Variants in MKLN1 observed in about 807,000 individuals in gnomAD.
MKLN1 encodes the protein muskelin 1.
In MKLN1, 18 loss-of-function variants were observed where a neutral mutation model predicts 99.0. The ratio of observed to expected loss-of-function variants is 0.18; its 90% CI spans 0.13 to 0.27. The LOEUF (loss-of-function observed/expected upper bound fraction) is 0.27. Ranked by LOEUF, MKLN1 falls within the 10% of genes least tolerant of loss-of-function variation. MKLN1 has a pLI of 1.00. For missense variants in MKLN1, 621 were observed against 875.9 expected (o/e 0.71, Z 3.67); for synonymous variants, 288 against 293.2 (o/e 0.98, Z 0.18).
intron 1 of MKLN1, among the ~76,000 whole-genome samples, chr7:131,362,110 A>G (rs976804236): frequency 5.9e-5 from 9 of 151,990 alleles, no homozygotes; most frequent in African/African-American, 2.2e-4. Flanking sequence ...AAAATTTTTT[A>G]TTTTATTTTG....
At chr7:131,213,755 T>A (rs1219010251) in intron 3 of MKLN1, among the ~76,000 whole-genome samples, 1 of 152,236 alleles carries the variant, frequency 6.6e-6, no homozygotes, top group Non-Finnish European at 1.5e-5. Context: ...TTTTTGGCAT[T>A]TTCAGAATTT....
At chr7:131,331,023 A>G (rs932145457) in intron 1 of MKLN1, among the ~76,000 whole-genome samples, 3 of 152,206 alleles carry the variant, frequency 2.0e-5, no homozygotes, top group African/African-American at 7.2e-5. Flanking sequence ...ATACTCTTAT[A>G]CATAAAAATA....
At chr7:131,379,025 A>G (rs1056349736) in intron 2 of MKLN1, among the ~76,000 whole-genome samples, 4 of 152,066 alleles carry the variant, frequency 2.6e-5, no homozygotes, top group Admixed American at 1.3e-4. Flanking sequence ...TGAGGAAGAA[A>G]ACTCGTCTCT....
At chr7:131,380,344 A>G (rs1342890891) in intron 2 of MKLN1, among the ~76,000 whole-genome samples, 1 of 152,152 alleles carries the variant, frequency 6.6e-6, no homozygotes, top group Non-Finnish European at 1.5e-5. Flanking sequence ...CAAGTCTTAA[A>G]ATAAGTGCCC....
intron 2 of MKLN1, among the ~76,000 whole-genome samples, chr7:131,168,873 T>C (rs1563238797): frequency 6.6e-6 from 1 of 150,594 alleles, no homozygotes; most frequent in Non-Finnish European, 1.5e-5. Flanking sequence ...TGTTTTCTTT[T>C]TTTTTTTTTT....
At chr7:131,155,205 C>A (rs1795945854) in intron 2 of MKLN1, among the ~76,000 whole-genome samples, 1 of 152,112 alleles carries the variant, frequency 6.6e-6, no homozygotes, top group African/African-American at 2.4e-5. Context: ...CAAGAAAATC[C>A]TGCGAAGTGC....
At chr7:131,207,183 T>G (rs964190334) in intron 3 of MKLN1, among the ~76,000 whole-genome samples, 6 of 152,182 alleles carry the variant, frequency 3.9e-5, no homozygotes, top group African/African-American at 1.2e-4. Context: ...CAAGGGATTC[T>G]ATGTGTGTTA....
intron 3 of MKLN1, among the ~76,000 whole-genome samples, chr7:131,245,558 G>C (rs1211756904): frequency 6.6e-6 from 1 of 152,150 alleles, no homozygotes; most frequent in Non-Finnish European, 1.5e-5. Flanking sequence ...GGGATTACAG[G>C]CGTGAGCCAC....
chr7:131,299,747 G>A (rs923588970), intron 3 of MKLN1, among the ~76,000 whole-genome samples: 9 of 152,288 alleles, frequency 5.9e-5, no homozygotes, highest in African/African-American at 2.2e-4. Flanking sequence ...TTCATCAAAT[G>A]AATCTTTGGC....
intron 2 of MKLN1, among the ~76,000 whole-genome samples, chr7:131,157,961 T>C (rs1234959337): frequency 6.6e-6 from 1 of 152,140 alleles, no homozygotes; most frequent in Non-Finnish European, 1.5e-5. Flanking sequence ...TGACAGACCT[T>C]CTGTCCCTGC....
At chr7:131,367,481 G>T (rs1410999095) in intron 1 of MKLN1, among the ~76,000 whole-genome samples, 1 of 152,140 alleles carries the variant, frequency 6.6e-6, no homozygotes, top group African/African-American at 2.4e-5. Context: ...AAAGTCATGG[G>T]TATCTAGAAG....
intron 2 of MKLN1, among the ~76,000 whole-genome samples, chr7:131,385,655 T>G (rs1793990742): frequency 6.6e-6 from 1 of 152,198 alleles, no homozygotes. Flanking sequence ...CTGTTGGCCA[T>G]TTGTTTACTT....
At chr7:131,196,155 C>CAGTT (rs1236875093) in intron 2 of MKLN1, among the ~76,000 whole-genome samples, 1 of 152,090 alleles carries the variant, frequency 6.6e-6, no homozygotes, top group Non-Finnish European at 1.5e-5. Flanking sequence ...TCTCCACATT[C>CAGTT]AGTTGTTTTA....
At chr7:131,477,205 A>G (rs1796991106) in intron 16 of MKLN1, among the ~76,000 whole-genome samples, 1 of 152,056 alleles carries the variant, frequency 6.6e-6, no homozygotes, top group African/African-American at 2.4e-5. Context: ...ATATGGATAA[A>G]TTGGACTTCA....
chr7:131,446,340 T>G (rs562377275), intron 12 of MKLN1, among the ~76,000 whole-genome samples: 6 of 152,316 alleles, frequency 3.9e-5, no homozygotes, highest in Non-Finnish European at 7.3e-5. Context: ...TAGGAGGTTA[T>G]TAGTAGTGGA....
At chr7:131,402,001 A>G (rs1210112405) in intron 6 of MKLN1, among the ~76,000 whole-genome samples, 1 of 152,188 alleles carries the variant, frequency 6.6e-6, no homozygotes, top group Non-Finnish European at 1.5e-5. Context: ...GTTTCTTAAA[A>G]TAAGACAAAA....
At chr7:131,252,906 T>A (rs1273706539) in intron 3 of MKLN1, among the ~76,000 whole-genome samples, 1 of 152,158 alleles carries the variant, frequency 6.6e-6, no homozygotes, top group East Asian at 1.9e-4. Context: ...TAATTTAGTG[T>A]TCATATTATG....
chr7:131,246,311 C>A (rs1797488268), intron 3 of MKLN1, among the ~76,000 whole-genome samples: 1 of 152,146 alleles, frequency 6.6e-6, no homozygotes. Context: ...ACTTGGCTTT[C>A]TTGTGTCTTC....
intron 3 of MKLN1, among the ~76,000 whole-genome samples, chr7:131,239,437 A>G (rs972292371): frequency 4.6e-5 from 7 of 151,734 alleles, no homozygotes; most frequent in Admixed American, 2.0e-4. Context: ...CTTCCACCTC[A>G]GCCTCCCAAG....
Sources: gnomAD v4.1 joint callset for allele counts (sites outside exome capture counted in the v4.1 genomes callset) on GRCh38, gnomAD v4.1.1 for gene constraint, MANE v1.5 for transcripts, NCBI Gene and HGNC (gene_info 2026-07-23, HGNC 2026-07-21) for gene names.